TANC2: variants seen among roughly 807,000 people sequenced by gnomAD.
TANC2 encodes the protein tetratricopeptide repeat, ankyrin repeat and coiled-coil containing 2, also known as protein TANC2.
In TANC2, 26 loss-of-function variants were observed where a neutral mutation model predicts 210.5. The ratio of observed to expected loss-of-function variants is 0.12; its 90% CI spans 0.09 to 0.17. TANC2 has a LOEUF of 0.17. TANC2 is among the 10% of genes least tolerant of loss of function. The probability of loss-of-function intolerance (pLI) is 1.00; values close to 1 mark genes in which losing one functional copy is unlikely to be tolerated. For missense variants in TANC2, 2,129 were observed against 2,608.9 expected, an observed-to-expected ratio of 0.82 and a Z score of 4.01; for synonymous variants, 931 against 967.1, an observed-to-expected ratio of 0.96 and a Z score of 0.69.
chr17:63,192,035 A>G (rs2041204013), intron 5 of TANC2, among the ~76,000 whole-genome samples: 2 of 152,168 alleles, frequency 1.3e-5, no homozygotes, highest in Non-Finnish European at 2.9e-5. Flanking sequence ...TAATTCATCT[A>G]CTAGGCCTTT....
chr17:63,412,272 G>T lies in TANC2; in HGVS notation c.3898+142G>T. 7.9e-7 allele frequency: 1 copy of T among 1,258,060 alleles called. No homozygotes were observed. 77.9% of individuals were successfully genotyped at this position (1,258,060 alleles called of 1,614,324 possible). On this transcript the variant is annotated intron_variant, in intron 23 of 27. Transcript: ENST00000689528. This position sits in a 1 kb window ranked among gnomAD's most constrained non-coding sequence, Gnocchi z 4.2. ...AATTATTGTCCAAGTGAACAGAGAGGCTCTTGGCCCAGGGAAAGCGCCATC... is the reference window on the plus strand; with the variant it reads ...AATTATTGTCCAAGTGAACAGAGAGTCTCTTGGCCCAGGGAAAGCGCCATC...
rs115984830 is a variant in TANC2 at position 63,129,213 on chromosome 17, C to G, written c.323-22057C>G. Among the ~76,000 whole-genome samples, 1,288 of 152,006 alleles carry G rather than the reference C, an allele frequency of 8.5e-3. 16 individuals carry two copies. Among genetic ancestry groups the G allele is most frequent in the African/African-American group, 0.028 (1,180 of 41,450 alleles). The stretch of plus-strand genomic sequence containing the variant: ...GAGATGAGATCTCACTGTGCTGCCC[C>G]GTCTGGTGGTAAACTCCTGGGCCCA... On this transcript the variant is annotated intron_variant, in intron 4 of 27. Transcript: ENST00000689528.
chr17:63,225,778 T>G (rs2145966984), intron 7 of TANC2, among the ~76,000 whole-genome samples: 1 of 152,366 alleles, frequency 6.6e-6, no homozygotes, highest in East Asian at 1.9e-4. Context: ...CTCGGATTGC[T>G]ATAAAACCTA....
At chr17:63,134,589 A>C (rs1280721020) in intron 4 of TANC2, among the ~76,000 whole-genome samples, 1 of 152,230 alleles carries the variant, frequency 6.6e-6, no homozygotes, top group Non-Finnish European at 1.5e-5. Flanking sequence ...CTATTACCAA[A>C]GAAAAATAAA....
At chr17:63,184,911 T>TGTGA (rs1308545162) in intron 5 of TANC2, among the ~76,000 whole-genome samples, 1 of 149,044 alleles carries the variant, frequency 6.7e-6, no homozygotes. Flanking sequence ...GGATTACAGG[T>TGTGA]GTGAGCCACT....
At chr17:63,220,719 A>ATATATATATATATATATATGTAT (rs1555609722) in intron 7 of TANC2, among the ~76,000 whole-genome samples, 2 of 134,398 alleles carry the variant, frequency 1.5e-5, no homozygotes, top group Admixed American at 7.5e-5. Context: ...AAAAAAAAAA[A>ATATATATATATATATATATGTAT]ATATATATAT....
At chr17:63,240,960 T>G (rs536079818) in intron 8 of TANC2, among the ~76,000 whole-genome samples, 5 of 152,300 alleles carry the variant, frequency 3.3e-5, no homozygotes, top group Middle Eastern at 3.4e-3. Flanking sequence ...CTTTTTGACA[T>G]TAGCAACTGA....
In TANC2 at chr17:63,348,637, A is replaced by G. The variant is rs116775660; in HGVS notation, c.1808-2613A>G. On this transcript the variant is annotated intron_variant, in intron 12 of 27. Transcript: ENST00000689528. ...TTAATGTTAAAATCCTTTTTATTCT[A>G]TGAAATATGGTGATCGTGGATGGTA... Among the ~76,000 whole-genome samples, 1,127 of 152,316 alleles carry G rather than the reference A, an allele frequency of 7.4e-3. 14 individuals are homozygous for G. The highest frequency in any genetic ancestry group is 0.025 in the African/African-American group (1,025 of 41,572).
chr17:63,122,060 C>T (rs2038504631), intron 4 of TANC2, among the ~76,000 whole-genome samples: 1 of 152,016 alleles, frequency 6.6e-6, no homozygotes, highest in African/African-American at 2.4e-5. Flanking sequence ...AAAACTCAAT[C>T]TGGTTGAATC....
intron 17 of TANC2, among the ~76,000 whole-genome samples, chr17:63,392,159 T>C (rs1207755658): frequency 6.6e-6 from 1 of 152,224 alleles, no homozygotes; most frequent in Non-Finnish European, 1.5e-5. Context: ...ATTAAAGTCA[T>C]AGGCTTTGGC....
At chr17:63,103,108 G>GACT (rs1567724584) in intron 4 of TANC2, among the ~76,000 whole-genome samples, 1 of 152,066 alleles carries the variant, frequency 6.6e-6, no homozygotes, top group African/African-American at 2.4e-5. Context: ...CAGCCACATA[G>GACT]GTTTTCCTGA....
At chr17:63,121,218 A>T (rs1001388309) in intron 4 of TANC2, among the ~76,000 whole-genome samples, 1 of 152,152 alleles carries the variant, frequency 6.6e-6, no homozygotes, top group African/African-American at 2.4e-5. Context: ...TGTGTTTTTT[A>T]TCACTCCAAC....
chr17:63,123,389 C>G (rs911123677), intron 4 of TANC2, among the ~76,000 whole-genome samples: 3 of 151,818 alleles, frequency 2.0e-5, no homozygotes, highest in African/African-American at 4.8e-5. Context: ...AATCCTGTCT[C>G]TACTAAAAAT....
intron 5 of TANC2, among the ~76,000 whole-genome samples, chr17:63,162,098 A>C (rs2040047913): frequency 6.6e-6 from 1 of 152,080 alleles, no homozygotes; most frequent in Non-Finnish European, 1.5e-5. Flanking sequence ...CGAGGCCGGG[A>C]GTTGGAGACC....
chr17:62,991,825 A>T (rs2032885060), intron 1 of TANC2, among the ~76,000 whole-genome samples: 3 of 152,130 alleles, frequency 2.0e-5, no homozygotes, highest in Non-Finnish European at 2.9e-5. Flanking sequence ...GAGGAGACTG[A>T]CTAGGACCCT....
intron 5 of TANC2, among the ~76,000 whole-genome samples, chr17:63,159,968 G>A (rs1051716277): frequency 3.3e-5 from 5 of 152,204 alleles, no homozygotes; most frequent in Admixed American, 6.5e-5. Context: ...TTCAGTTTTT[G>A]GTGAGGGCAT....
chr17:63,385,653 C>T (rs536177619), intron 15 of TANC2, among the ~76,000 whole-genome samples: 74 of 152,308 alleles, frequency 4.9e-4, no homozygotes, highest in African/African-American at 1.7e-3. Flanking sequence ...TCAGAAGCTG[C>T]CCTTACCCAC....
chr17:63,389,765 C>G, intron 17 of TANC2: 1 of 556,052 alleles, frequency 1.8e-6, no homozygotes, highest in Admixed American at 3.1e-5. Flanking sequence ...GCTTGGGAAA[C>G]TGCATTTATC....
chr17:63,103,188 A>G (rs1449839120), intron 4 of TANC2, among the ~76,000 whole-genome samples: 1 of 152,166 alleles, frequency 6.6e-6, no homozygotes, highest in Non-Finnish European at 1.5e-5. Flanking sequence ...TTCATTTTGT[A>G]AGATATGACA....
Sources: allele counts gnomAD v4.1 joint callset (sites outside exome capture counted in the v4.1 genomes callset), GRCh38; gene constraint gnomAD v4.1.1; non-coding constraint Gnocchi (gnomAD v3.1); transcripts MANE v1.5; gene names NCBI Gene and HGNC (gene_info 2026-07-23, HGNC 2026-07-21).